Variants in ANO10 observed in about 807,000 individuals in gnomAD.
ANO10 encodes anoctamin 10, also known as anoctamin-10.
A neutral mutation model predicts 74.7 loss-of-function variants in ANO10; 77 were observed. That is an observed-to-expected ratio of 1.03 (90% CI 0.86 to 1.25). The LOEUF (loss-of-function observed/expected upper bound fraction) is 1.25. Among genes scored for constraint, ANO10 ranks in the 50% most tolerant of loss-of-function variants. The probability of loss-of-function intolerance (pLI) is 0.00; values close to 1 mark genes in which losing one functional copy is unlikely to be tolerated. For missense variants in ANO10, 721 were observed against 778.1 expected (o/e 0.93, Z 0.87); for synonymous variants, 279 against 284.9 (o/e 0.98, Z 0.21).
intron 11 of ANO10, among the ~76,000 whole-genome samples, chr3:43,432,941 ATTCTTTTTTTT>A (rs2093008111): frequency 4.3e-5 from 2 of 46,544 alleles, no homozygotes; most frequent in Non-Finnish European, 9.9e-5. Flanking sequence ...ACTTTGCTTA[ATTCTTTTTTTT>A]TTTTTTTTTT....
At chr3:43,651,740 C>T (rs1277826290) in intron 1 of ANO10, among the ~76,000 whole-genome samples, 3 of 152,136 alleles carry the variant, frequency 2.0e-5, no homozygotes, top group Admixed American at 6.5e-5. Flanking sequence ...ATCTTCCTTG[C>T]CTGGCCCTTA....
upstream of ANO10, among the ~76,000 whole-genome samples, chr3:43,624,232 A>G (rs1440949958): frequency 6.6e-6 from 1 of 152,212 alleles, no homozygotes. Flanking sequence ...CACAGATAGT[A>G]CTGAACCCTG....
chr3:43,422,958 AAGG>A (rs374234180), intron 12 of ANO10, among the ~76,000 whole-genome samples: 18 of 152,332 alleles, frequency 1.2e-4, no homozygotes, highest in African/African-American at 4.3e-4. Flanking sequence ...TCAGTGATAA[AAGG>A]AGGATTGCTC....
intron 12 of ANO10, among the ~76,000 whole-genome samples, chr3:43,384,953 C>A (rs937333718): frequency 6.6e-6 from 1 of 152,034 alleles, no homozygotes; most frequent in Non-Finnish European, 1.5e-5. Context: ...TTCTGCACAG[C>A]AAAAGAAACA....
chr3:43,576,726 G>C lies in ANO10; in HGVS notation c.1128C>G (p.Leu376=), dbSNP rs1478508273. 1.2e-6 allele frequency: 2 copies of C among 1,614,170 alleles called. No homozygotes were observed. The highest frequency in any genetic ancestry group is 8.5e-7 in the Non-Finnish European group (1 of 1,180,038). ...YAIVIEIMNR[L]YRYAAEFLTS... is the part of the protein sequence containing the mutation. ...TTAAAAACTCGGCAGCATATCGATA[G>C]AGACGATTCATGATCTCAATCACAA... The change falls in exon 6 of 13, where the codon CTC becomes CTG. Residue 376 remains leucine, a synonymous_variant. Transcript: ENST00000292246.
At chr3:43,452,249 A>G (rs754901439) in intron 11 of ANO10, among the ~76,000 whole-genome samples, 3 of 152,202 alleles carry the variant, frequency 2.0e-5, no homozygotes, top group Non-Finnish European at 4.4e-5. Flanking sequence ...CTTCTAGTAT[A>G]CTCAGAGTTT....
intron 11 of ANO10, among the ~76,000 whole-genome samples, chr3:43,522,473 T>C (rs1433682363): frequency 6.6e-6 from 1 of 152,192 alleles, no homozygotes; most frequent in Non-Finnish European, 1.5e-5. Flanking sequence ...TCCTCCTAAG[T>C]CTTGTGACTA....
intron 4 of ANO10, among the ~76,000 whole-genome samples, chr3:43,591,691 ACTT>A (rs1559750528): frequency 2.0e-5 from 3 of 152,208 alleles, no homozygotes; most frequent in African/African-American, 7.2e-5. Context: ...AAGAGAGGTG[ACTT>A]CTGCATTTCC....
intron 4 of ANO10, among the ~76,000 whole-genome samples, chr3:43,582,145 T>C (rs934137970): frequency 1.3e-5 from 2 of 151,866 alleles, no homozygotes; most frequent in South Asian, 2.1e-4. Flanking sequence ...ATGTCTGCAG[T>C]GTGGAATAGA....
At position 43,365,915 on chromosome 3, in the gene ANO10, G is replaced by A. The variant is rs1559478434; in HGVS notation, c.*991C>T. 6.6e-6 allele frequency: 1 copy of A among 152,442 alleles called. No homozygotes were observed. The highest frequency in any genetic ancestry group is 1.5e-5 in the Non-Finnish European group (1 of 68,190). 9.4% of individuals were successfully genotyped at this position (152,442 alleles called of 1,614,324 possible). A position where few individuals can be genotyped will look rare whatever the true frequency, so the allele number is the denominator to read the frequency against. ...GTCTGTAGTGTCTTGGCTACAGCAG[G>A]ACGGCCAGCGCTGGTGGGAAGGGCT... On this transcript the variant is annotated 3_prime_UTR_variant, in exon 13 of 13. Coordinates refer to ENST00000292246, the MANE Select transcript of ANO10 (RefSeq NM_018075.5).
Position 43,438,350 on chromosome 3 carries a change from T to C in ANO10, c.1798-5623A>G, listed in dbSNP as rs550202388. Among the ~76,000 whole-genome samples, 6 of 151,702 alleles carry C rather than the reference T, an allele frequency of 4.0e-5. No homozygotes were observed. The South Asian group carries it at 1.2e-3, about 32-fold the overall frequency. On this transcript the variant is annotated intron_variant, in intron 11 of 12. Transcript: ENST00000292246. The stretch of plus-strand genomic sequence containing the variant: ...TCCCAGCTACTTGGGAGACTGAGGC[T>C]GTAGGATTGCTTGAAACCAGGAATT...
At chr3:43,510,205 G>A (rs151150522) in intron 11 of ANO10, among the ~76,000 whole-genome samples, 220 of 152,130 alleles carry the variant, frequency 1.4e-3, no homozygotes, top group Non-Finnish European at 2.4e-3. Context: ...AGGCCAAGGC[G>A]GATCACCTGA....
At chr3:43,445,991 T>G (rs150679523) in intron 11 of ANO10, among the ~76,000 whole-genome samples, 2 of 152,274 alleles carry the variant, frequency 1.3e-5, no homozygotes, top group Non-Finnish European at 2.9e-5. Context: ...AAACCCAGCC[T>G]TTGTTCTGTC....
chr3:43,553,259 C>T (rs1305985116), intron 10 of ANO10, among the ~76,000 whole-genome samples: 1 of 152,168 alleles, frequency 6.6e-6, no homozygotes, highest in Non-Finnish European at 1.5e-5. Flanking sequence ...CTTTAGCTTT[C>T]AAGTGTTTAC....
chr3:43,615,890 T>C (rs1247048867), intron 1 of ANO10, among the ~76,000 whole-genome samples: 4 of 152,120 alleles, frequency 2.6e-5, no homozygotes, highest in Non-Finnish European at 5.9e-5. Flanking sequence ...CCTGACCTTG[T>C]GATCCGCCCG....
intron 11 of ANO10, among the ~76,000 whole-genome samples, chr3:43,548,053 A>T (rs56037762): frequency 0.024 from 3,594 of 152,288 alleles, 141 homozygotes; most frequent in African/African-American, 0.081. Context: ...AAATTTACCA[A>T]GAAATCTTCT....
chr3:43,555,267 CA>C lies in ANO10; in HGVS notation c.1668+10del. The C allele has an allele frequency of 6.2e-7, 1 of 1,612,846 alleles. No individual in the cohort carries two copies. The highest frequency in any genetic ancestry group is 8.5e-7 in the Non-Finnish European group (1 of 1,179,150). On this transcript the variant is annotated intron_variant, in intron 10 of 12. Transcript: ENST00000292246. ...TTTTTTAAAGGAATAATTTTTTTCT[CA>C]AACAATTACCTGCCACACACCAATA...
rs553934178 is a variant in ANO10, at chr3:43,523,894, T to C, written c.1797+25826A>G. ...ACTACAGTGGAAGCTGTGGAGTAGA[T>C]GAGCTCATCCAGAGACTAGAGTGTA... On this transcript the variant is annotated intron_variant, in intron 11 of 12. Coordinates refer to ENST00000292246, the MANE Select transcript of ANO10 (RefSeq NM_018075.5). Among the ~76,000 whole-genome samples the C allele has an allele frequency of 7.4e-4, 111 of 150,862 alleles. 1 individual carries two copies. The highest frequency in any genetic ancestry group is 2.6e-3 in the African/African-American group (107 of 40,914).
At chr3:43,598,974 T>C (rs1424610295) in intron 3 of ANO10, among the ~76,000 whole-genome samples, 1 of 152,220 alleles carries the variant, frequency 6.6e-6, no homozygotes, top group Non-Finnish European at 1.5e-5. Flanking sequence ...TGTTCTTTTA[T>C]TCTAATAATG....
Sources: allele counts gnomAD v4.1 joint callset (sites outside exome capture counted in the v4.1 genomes callset), GRCh38; gene constraint gnomAD v4.1.1; transcripts MANE v1.5; gene names NCBI Gene and HGNC (gene_info 2026-07-23, HGNC 2026-07-21).